Variants in WWOX observed in about 807,000 individuals in gnomAD.
WWOX encodes the protein WW domain-containing oxidoreductase.
WWOX carries 69 observed loss-of-function variants against 46.2 expected under a neutral mutation model. That is an observed-to-expected ratio of 1.49 (90% CI 1.23 to 1.82). The LOEUF is 1.82. Among genes scored for constraint, WWOX ranks in the 40% most tolerant of loss-of-function variants. WWOX has a pLI of 0.00. For synonymous variants in WWOX, 359 were observed against 202.6 expected (o/e 1.77, Z -6.56); for missense variants, 919 against 542.6 (o/e 1.69, Z -6.89).
chr16:78,451,997 C>G (rs528761368), intron 8 of WWOX, among the ~76,000 whole-genome samples: 82 of 152,270 alleles, frequency 5.4e-4, no homozygotes, highest in Non-Finnish European at 9.6e-4. Flanking sequence ...AGCATATCAA[C>G]TTCCTTCTGT....
intron 8 of WWOX, among the ~76,000 whole-genome samples, chr16:79,162,079 C>G (rs377761069): frequency 6.6e-6 from 1 of 152,216 alleles, no homozygotes; most frequent in Non-Finnish European, 1.5e-5. Flanking sequence ...GAATTGGTCA[C>G]TGGCTACCCC....
At chr16:78,132,239 G>A (rs1375835304) in intron 4 of WWOX, among the ~76,000 whole-genome samples, 1 of 150,860 alleles carries the variant, frequency 6.6e-6, no homozygotes, top group Non-Finnish European at 1.5e-5. Flanking sequence ...TGTTAGCAAG[G>A]ATGGTCTTGA....
intron 8 of WWOX, among the ~76,000 whole-genome samples, chr16:78,959,348 C>T (rs978843179): frequency 1.3e-5 from 2 of 152,078 alleles, no homozygotes; most frequent in African/African-American, 4.8e-5. Context: ...TGTGCTTGGC[C>T]CTGAGAAAGC....
chr16:78,288,549 T>C (rs932191945), intron 5 of WWOX, among the ~76,000 whole-genome samples: 2 of 152,184 alleles, frequency 1.3e-5, no homozygotes, highest in African/African-American at 2.4e-5. Flanking sequence ...CTTGCCTCTC[T>C]TTCCTTAGTC....
At chr16:78,891,795 T>A (rs1400020330) in intron 8 of WWOX, 1 of 152,146 alleles carries the variant, frequency 6.6e-6, no homozygotes, top group Non-Finnish European at 1.5e-5. Context: ...AGCACTGAAA[T>A]GTCCCAGTGA....
At chr16:78,676,114 C>T (rs2047592502) in intron 8 of WWOX, among the ~76,000 whole-genome samples, 1 of 151,686 alleles carries the variant, frequency 6.6e-6, no homozygotes, top group Non-Finnish European at 1.5e-5. Context: ...AGTAATCAGA[C>T]AACCAGACAA....
chr16:78,678,837 A>G (rs1435646626), intron 8 of WWOX, among the ~76,000 whole-genome samples: 1 of 152,158 alleles, frequency 6.6e-6, no homozygotes, highest in African/African-American at 2.4e-5. Flanking sequence ...GAGCAGCTCC[A>G]TAAAGAGTCC....
At chr16:78,917,455 G>A (rs1180761278) in intron 8 of WWOX, among the ~76,000 whole-genome samples, 1 of 151,896 alleles carries the variant, frequency 6.6e-6, no homozygotes, top group Non-Finnish European at 1.5e-5. Context: ...TCTAGTCTCG[G>A]TAGCTACCTA....
intron 8 of WWOX, among the ~76,000 whole-genome samples, chr16:79,105,160 T>C (rs2049283190): frequency 6.6e-6 from 1 of 152,104 alleles, no homozygotes; most frequent in Non-Finnish European, 1.5e-5. Context: ...CGATGAGCTA[T>C]GAACAGGAAC....
rs9937489 is a variant in WWOX at position 78,321,422 on chromosome 16, A to G, written c.517-65438A>G. Among the ~76,000 whole-genome samples, 43 of 141,234 alleles carry G rather than the reference A, an allele frequency of 3.0e-4. 1 individual carries two copies. The highest frequency in any genetic ancestry group is 4.5e-4 in the African/African-American group (17 of 38,040). 92.7% of individuals were successfully genotyped at this position (141,234 alleles called of 152,430 possible). On this transcript the variant is annotated intron_variant, in intron 5 of 8. Coordinates refer to ENST00000566780, the MANE Select transcript of WWOX (RefSeq NM_016373.4). ...TATATACGTATATATATATGTGTGT[A>G]TATATATATATAAAAATATATTTAA... is the stretch of plus-strand genomic sequence containing the variant.
At chr16:78,413,078 G>C (rs1224328364) in intron 6 of WWOX, among the ~76,000 whole-genome samples, 1 of 152,194 alleles carries the variant, frequency 6.6e-6, no homozygotes, top group Admixed American at 6.5e-5. Flanking sequence ...CTCCTTTCCT[G>C]CTAGCTGGAC....
At chr16:78,165,356 C>T (rs1223072790) in intron 5 of WWOX, among the ~76,000 whole-genome samples, 2 of 152,208 alleles carry the variant, frequency 1.3e-5, no homozygotes, top group Non-Finnish European at 2.9e-5. Context: ...GTAGAGCTTT[C>T]AGCCTATTGT....
chr16:78,960,703 G>C (rs570095354), intron 8 of WWOX, among the ~76,000 whole-genome samples: 46 of 152,290 alleles, frequency 3.0e-4, no homozygotes, highest in South Asian at 6.2e-4. Context: ...CAGCTACTGG[G>C]ATGTATGACT....
intron 8 of WWOX, among the ~76,000 whole-genome samples, chr16:78,692,011 C>A (rs561955671): frequency 1.3e-5 from 2 of 152,148 alleles, no homozygotes; most frequent in Non-Finnish European, 2.9e-5. Context: ...TTTCTCTTGC[C>A]ACTGCCATGT....
chr16:78,810,249 T>C (rs981334226), intron 8 of WWOX, among the ~76,000 whole-genome samples: 5 of 152,246 alleles, frequency 3.3e-5, no homozygotes, highest in African/African-American at 9.6e-5. Context: ...CACAGTCTTA[T>C]TCTCAGCTGA....
chr16:78,948,604 C>T (rs1011058981), intron 8 of WWOX, among the ~76,000 whole-genome samples: 1 of 152,004 alleles, frequency 6.6e-6, no homozygotes, highest in Non-Finnish European at 1.5e-5. Context: ...GCCTTGTGGT[C>T]CTGCTTGTCT....
At chr16:78,892,658 A>C (rs1214720863) in intron 8 of WWOX, among the ~76,000 whole-genome samples, 1 of 152,218 alleles carries the variant, frequency 6.6e-6, no homozygotes, top group East Asian at 1.9e-4. Flanking sequence ...AAAGCAAAAC[A>C]ATTAGGCCAG....
intron 8 of WWOX, among the ~76,000 whole-genome samples, chr16:78,772,665 C>T (rs1015738758): frequency 6.6e-6 from 1 of 152,144 alleles, no homozygotes; most frequent in African/African-American, 2.4e-5. Flanking sequence ...GGCTTCAAGC[C>T]ACTGGGGCAT....
intron 8 of WWOX, among the ~76,000 whole-genome samples, chr16:78,664,119 G>C (rs1465353540): frequency 6.6e-6 from 1 of 152,214 alleles, no homozygotes; most frequent in African/African-American, 2.4e-5. Flanking sequence ...TAAAGGATAT[G>C]CTGGGAGGTG....
Sources: gnomAD v4.1 joint callset for allele counts (sites outside exome capture counted in the v4.1 genomes callset) on GRCh38, gnomAD v4.1.1 for gene constraint, MANE v1.5 for transcripts, NCBI Gene and HGNC (gene_info 2026-07-23, HGNC 2026-07-21) for gene names.